UBQLN1: variants seen among roughly 807,000 people sequenced by gnomAD.
UBQLN1 encodes the protein ubiquilin-1.
A neutral mutation model predicts 65.4 loss-of-function variants in UBQLN1; 13 were observed. That is an observed-to-expected ratio of 0.20 (90% CI 0.13 to 0.32). The LOEUF is 0.32. Ranked by LOEUF, UBQLN1 falls within the 10% of genes least tolerant of loss-of-function variation. The pLI is 1.00. For missense variants in UBQLN1, 561 were observed against 724.0 expected, an observed-to-expected ratio of 0.77 and a Z score of 2.58; for synonymous variants, 267 against 247.8, an observed-to-expected ratio of 1.08 and a Z score of -0.73.
Position 83,679,885 on chromosome 9 carries a change from T to A in UBQLN1, c.601A>T (p.Asn201Tyr). The A allele has an allele frequency of 6.2e-7, 1 of 1,614,200 alleles. No homozygotes were observed. Among genetic ancestry groups the A allele is most frequent in the Non-Finnish European group, 8.5e-7 (1 of 1,180,040 alleles). ...ENPFVQSMLS[N>Y]PDLMRQLIMA... is the part of the protein sequence containing the mutation. ...ATTAACTGTCTCATCAGGTCAGGATTTGAGAGCATGCTCTGAACAAAGGGA... is the reference window on the plus strand; with the variant it reads ...ATTAACTGTCTCATCAGGTCAGGATATGAGAGCATGCTCTGAACAAAGGGA... The change falls in exon 4 of 11, where the codon AAT (asparagine) becomes TAT (tyrosine). Residue 201 changes from asparagine to tyrosine, a missense_variant. By Grantham distance (143) the Asn-to-Tyr change is moderately radical. This residue lies in a region of UBQLN1 where 75 missense variants were observed against 138.9 expected (regional missense o/e 0.54). Coordinates refer to ENST00000376395, the MANE Select transcript of UBQLN1 (RefSeq NM_013438.5).
intron 1 of UBQLN1, among the ~76,000 whole-genome samples, chr9:83,707,210 G>C (rs994793248): frequency 1.3e-5 from 2 of 152,142 alleles, no homozygotes; most frequent in African/African-American, 4.8e-5. Context: ...AGGCGACGGA[G>C]GGCGGGGAAC....
intron 1 of UBQLN1, among the ~76,000 whole-genome samples, chr9:83,705,221 A>C (rs1403686969): frequency 1.3e-5 from 2 of 149,218 alleles, no homozygotes; most frequent in Non-Finnish European, 3.0e-5. Flanking sequence ...ATTTTTCAGT[A>C]TATGTGCTGC....
chr9:83,677,716 T>A lies in UBQLN1; in HGVS notation c.1105+11A>T, dbSNP rs1251330913. ...CAACAAAGAAAAAAGCCTGAGTTGT[T>A]AAAAGCATACCTCCTACTCCAGGCA... On this transcript the variant is annotated intron_variant, in intron 6 of 10. Coordinates refer to ENST00000376395, the MANE Select transcript of UBQLN1 (RefSeq NM_013438.5). 25 of 1,598,362 alleles carry A rather than the reference T, an allele frequency of 1.6e-5. No individual in the cohort carries two copies. Among genetic ancestry groups the A allele is most frequent in the Non-Finnish European group, 2.1e-5 (24 of 1,169,834 alleles).
At chr9:83,671,113 G>A (rs1307884693) in intron 6 of UBQLN1, among the ~76,000 whole-genome samples, 1 of 152,134 alleles carries the variant, frequency 6.6e-6, no homozygotes, top group Non-Finnish European at 1.5e-5. Context: ...TTAAAGGTAT[G>A]AGCCAACACA....
chr9:83,666,473 C>G (rs372439267), intron 7 of UBQLN1, 40 bp from the exon 8 acceptor site: 10 of 1,592,722 alleles, frequency 6.3e-6, no homozygotes, highest in Middle Eastern at 1.7e-4. Context: ...CTGGAAATAT[C>G]TGAAACAAGT....
intron 1 of UBQLN1, among the ~76,000 whole-genome samples, chr9:83,694,429 C>T (rs776481284): frequency 1.9e-4 from 29 of 152,128 alleles, no homozygotes; most frequent in Non-Finnish European, 3.7e-4. Context: ...AGTTATCATT[C>T]TCCAAGAGTC....
At chr9:83,662,557 TCTC>T (rs1231849231) in intron 10 of UBQLN1, among the ~76,000 whole-genome samples, 3 of 151,860 alleles carry the variant, frequency 2.0e-5, no homozygotes, top group Non-Finnish European at 2.9e-5. Context: ...AAAAAAAAAA[TCTC>T]CATATAAATG....
At chr9:83,671,456 TGCATGCAGAA>T (rs1258706545) in intron 6 of UBQLN1, among the ~76,000 whole-genome samples, 28 of 152,366 alleles carry the variant, frequency 1.8e-4, no homozygotes, top group African/African-American at 6.0e-4. Flanking sequence ...ATCCATGGGC[TGCATGCAGAA>T]TGAATGCTGT....
chr9:83,685,940 G>A, intron 2 of UBQLN1, 64 bp downstream of exon 2: 2 of 1,400,586 alleles, frequency 1.4e-6, no homozygotes, highest in Non-Finnish European at 1.9e-6. Flanking sequence ...GCCAACACTA[G>A]TTACTTTTAG....
At chr9:83,694,002 A>C (rs1832169079) in intron 1 of UBQLN1, among the ~76,000 whole-genome samples, 1 of 152,248 alleles carries the variant, frequency 6.6e-6, no homozygotes, top group Non-Finnish European at 1.5e-5. Flanking sequence ...TAATTATGCA[A>C]GGATAAACTC....
rs901831072 is a variant in UBQLN1 at position 83,707,630 on chromosome 9, G to A, written c.50C>T (p.Ala17Val). The A allele has an allele frequency of 6.3e-7, 1 of 1,578,936 alleles. No homozygotes were observed. The change falls in exon 1 of 11, where the codon GCC becomes GTC. Residue 17 changes from alanine (A) to valine (V), a missense_variant. By Grantham distance (64) the Ala-to-Val change is moderately conservative (BLOSUM62 0). This residue lies in a region of UBQLN1 where 101 missense variants were observed against 104.9 expected (regional missense o/e 0.96). Coordinates refer to ENST00000376395, the MANE Select transcript of UBQLN1 (RefSeq NM_013438.5). ...GGCGCCAGCACCTTCGGCTCCGGCG[G>A]CGCTATCCTGGGAGCCCGGAGGACC... is the stretch of plus-strand genomic sequence containing the variant. ...SGGPPGSQDS[A>V]AGAEGAGAPA...
chr9:83,676,102 T>C (rs1025310673), intron 6 of UBQLN1, among the ~76,000 whole-genome samples: 2 of 152,168 alleles, frequency 1.3e-5, no homozygotes, highest in African/African-American at 4.8e-5. Flanking sequence ...AGTAGGTGCT[T>C]ACAGGACCAA....
chr9:83,666,728 G>A (rs1564159816), intron 7 of UBQLN1: 1 of 251,036 alleles, frequency 4.0e-6, no homozygotes, highest in African/African-American at 2.2e-5. Context: ...GAACAAACGT[G>A]AATATATGCC....
At chr9:83,662,136 C>T (rs1831568419) in intron 10 of UBQLN1, among the ~76,000 whole-genome samples, 197 bp from the exon 11 acceptor site, 1 of 151,950 alleles carries the variant, frequency 6.6e-6, no homozygotes, top group African/African-American at 2.4e-5. Context: ...TAGTTTGTAC[C>T]TAAATAATCA....
intron 7 of UBQLN1, chr9:83,668,095 C>A (rs1239775078): frequency 1.0e-6 from 1 of 985,234 alleles, no homozygotes; most frequent in Non-Finnish European, 1.2e-6. Context: ...TTAATACTAA[C>A]AACTCAGTCT....
intron 7 of UBQLN1, chr9:83,667,511 C>G: frequency 2.0e-6 from 2 of 985,402 alleles, no homozygotes; most frequent in Non-Finnish European, 2.4e-6. Context: ...GACAACCTTT[C>G]AGGAACATAC....
In UBQLN1 at chr9:83,663,805, C is replaced by T; in HGVS notation, c.1617+70G>A. The T allele has an allele frequency of 9.8e-6, 15 of 1,524,778 alleles. No individual in the cohort carries two copies. The Admixed American group carries it at 1.0e-4, about 11-fold the overall frequency. 94.5% of individuals were successfully genotyped at this position (1,524,778 alleles called of 1,614,324 possible). A position where few individuals can be genotyped will look rare whatever the true frequency, so the allele number is the denominator to read the frequency against. ...CTGCTTTCCTTTTTTCTCCCTTTTT[C>T]CTTCTTTTTGGAAATTTCTAAATTT... On this transcript the variant is annotated intron_variant, in intron 10 of 10. Coordinates refer to ENST00000376395, the MANE Select transcript of UBQLN1 (RefSeq NM_013438.5).
At chr9:83,676,592 A>G (rs1436259451) in intron 6 of UBQLN1, among the ~76,000 whole-genome samples, 1 of 152,228 alleles carries the variant, frequency 6.6e-6, no homozygotes, top group Non-Finnish European at 1.5e-5. Context: ...CTATATTATA[A>G]ACATAAATCT....
intron 5 of UBQLN1, among the ~76,000 whole-genome samples, 169 bp downstream of exon 5, chr9:83,678,272 C>T (rs780446188): frequency 4.4e-4 from 67 of 152,122 alleles, no homozygotes; most frequent in Non-Finnish European, 8.7e-4. Context: ...CCACCCGCCT[C>T]GGCCTCCCAA....
Sources: allele counts gnomAD v4.1 joint callset (sites outside exome capture counted in the v4.1 genomes callset), GRCh38; gene constraint gnomAD v4.1.1; regional missense constraint gnomAD v4.1.1; transcripts MANE v1.5; gene names NCBI Gene and HGNC (gene_info 2026-07-23, HGNC 2026-07-21).